Variants in TMEM266 observed in about 807,000 individuals in gnomAD.
TMEM266 encodes transmembrane protein 266.
A neutral mutation model predicts 50.5 loss-of-function variants in TMEM266; 33 were observed. That is an observed-to-expected ratio of 0.65 (90% CI 0.50 to 0.87). The LOEUF is 0.87. TMEM266 is among the 40% of genes least tolerant of loss of function. TMEM266 has a pLI of 0.00. For missense variants in TMEM266, 655 were observed against 695.1 expected, an observed-to-expected ratio of 0.94 and a Z score of 0.65; for synonymous variants, 310 against 292.3, an observed-to-expected ratio of 1.06 and a Z score of -0.62.
At chr15:76,141,568 T>A (rs1441035451) in intron 3 of TMEM266, among the ~76,000 whole-genome samples, 1 of 152,182 alleles carries the variant, frequency 6.6e-6, no homozygotes, top group South Asian at 2.1e-4. Flanking sequence ...AAGCATTTTT[T>A]AAAAATGTGG....
chr15:76,201,236 C>A (rs919049534), intron 9 of TMEM266, among the ~76,000 whole-genome samples: 1 of 152,180 alleles, frequency 6.6e-6, no homozygotes, highest in Non-Finnish European at 1.5e-5. Flanking sequence ...CATCCTGTGG[C>A]CCCTCACTGC....
Position 76,175,691 on chromosome 15 carries a change from T to A in TMEM266, c.768+17T>A. On this transcript the variant is annotated intron_variant, in intron 8 of 10. Coordinates refer to ENST00000388942, the MANE Select transcript of TMEM266 (RefSeq NM_152335.3). ...GAGCAAGGGGTAATGCACTGCCACT[T>A]TCGGCTCTGTCCGTGGTCTTGCTGG... The A allele has an allele frequency of 6.2e-7, 1 of 1,603,118 alleles. No individual in the cohort carries two copies. The highest frequency in any genetic ancestry group is 8.5e-7 in the Non-Finnish European group (1 of 1,170,376).
intron 1 of TMEM266, among the ~76,000 whole-genome samples, chr15:76,101,795 C>A (rs2037004279): frequency 6.6e-6 from 1 of 152,236 alleles, no homozygotes; most frequent in Admixed American, 6.5e-5. Flanking sequence ...AGGGAGAGCA[C>A]CCTGCAGGCA....
intron 3 of TMEM266, among the ~76,000 whole-genome samples, chr15:76,140,158 G>A (rs1190501970): frequency 6.6e-6 from 1 of 152,234 alleles, no homozygotes; most frequent in Non-Finnish European, 1.5e-5. Flanking sequence ...AGCTGTTCCC[G>A]TTGGGTAAAT....
At position 76,161,655 on chromosome 15, in the gene TMEM266, T is replaced by G. The variant is rs1225969207; in HGVS notation, c.456+1487T>G. ...GGTGAGCCTGGGCCTGAGGCTCAGATGGAGGGGGCAGATCGCAGCACTGCC... is the reference window on the plus strand; with the variant it reads ...GGTGAGCCTGGGCCTGAGGCTCAGAGGGAGGGGGCAGATCGCAGCACTGCC... On this transcript the variant is annotated intron_variant, in intron 5 of 10. Transcript: ENST00000388942. The surrounding 1 kb of genome is among the most constrained non-coding windows in gnomAD (Gnocchi z 4.1). 1.3e-5 allele frequency among the ~76,000 whole-genome samples: 2 copies of G among 152,164 alleles called. No individual in the cohort carries two copies. The highest frequency in any genetic ancestry group is 2.9e-5 in the Non-Finnish European group (2 of 68,006).
intron 1 of TMEM266, among the ~76,000 whole-genome samples, chr15:76,068,178 A>T (rs565621617): frequency 2.6e-5 from 4 of 152,364 alleles, no homozygotes; most frequent in African/African-American, 9.6e-5. Context: ...TAAAAGTGAC[A>T]GTTAAAATAC....
chr15:76,096,721 C>A (rs562591775), intron 1 of TMEM266, among the ~76,000 whole-genome samples: 23 of 151,902 alleles, frequency 1.5e-4, no homozygotes, highest in Non-Finnish European at 3.1e-4. Context: ...AAGTCTCCCA[C>A]TATTATTGTG....
intron 3 of TMEM266, among the ~76,000 whole-genome samples, chr15:76,151,986 C>G (rs377405058): frequency 6.6e-6 from 1 of 152,164 alleles, no homozygotes. Context: ...GTCTGGTGTG[C>G]AGCCTGGGCA....
intron 1 of TMEM266, among the ~76,000 whole-genome samples, chr15:76,085,029 G>A (rs1277026056): frequency 2.1e-4 from 31 of 150,228 alleles, no homozygotes; most frequent in African/African-American, 7.1e-4. Flanking sequence ...GCGCGATCTC[G>A]GCTCACTACA....
chr15:76,200,640 G>T (rs2038731406), intron 9 of TMEM266, among the ~76,000 whole-genome samples: 1 of 152,204 alleles, frequency 6.6e-6, no homozygotes. Context: ...AGATTGACCA[G>T]ATCCCCCAAC....
At chr15:76,076,526 G>T (rs1429351981) in intron 1 of TMEM266, among the ~76,000 whole-genome samples, 1 of 151,988 alleles carries the variant, frequency 6.6e-6, no homozygotes, top group Non-Finnish European at 1.5e-5. Context: ...TATGCTATAT[G>T]ACATACATCG....
At chr15:76,080,709 G>A (rs979458047) in intron 1 of TMEM266, among the ~76,000 whole-genome samples, 1 of 151,904 alleles carries the variant, frequency 6.6e-6, no homozygotes, top group African/African-American at 2.4e-5. Flanking sequence ...CTGGCCCAGG[G>A]CCCTCACAGC....
At chr15:76,175,776 G>A (rs1596153714) in intron 8 of TMEM266, 102 bp downstream of exon 8, 1 of 908,044 alleles carries the variant, frequency 1.1e-6, no homozygotes. Flanking sequence ...CAGAGGTCAG[G>A]GAGTTCCTCC....
chr15:76,165,452 A>T (rs550343390), intron 5 of TMEM266, among the ~76,000 whole-genome samples: 1 of 152,376 alleles, frequency 6.6e-6, no homozygotes, highest in Admixed American at 6.5e-5. Flanking sequence ...TACACTGCTT[A>T]TCAGAGCAGC....
intron 8 of TMEM266, among the ~76,000 whole-genome samples, chr15:76,182,050 G>A (rs1396990751): frequency 6.6e-6 from 1 of 152,166 alleles, no homozygotes; most frequent in African/African-American, 2.4e-5. Flanking sequence ...GGTGACTCAA[G>A]GTCCAGCCTC....
chr15:76,080,204 T>C (rs377120527), intron 1 of TMEM266, among the ~76,000 whole-genome samples: 3 of 147,114 alleles, frequency 2.0e-5, no homozygotes, highest in African/African-American at 7.6e-5. Context: ...CCGTCTCTAC[T>C]AAAAATACAA....
At chr15:76,082,587 A>T (rs1445592743) in intron 1 of TMEM266, among the ~76,000 whole-genome samples, 1 of 152,136 alleles carries the variant, frequency 6.6e-6, no homozygotes, top group East Asian at 1.9e-4. Flanking sequence ...CTCTGATAGG[A>T]TGCCTTTACT....
At chr15:76,158,639 A>ATTT (rs1239154234) in intron 4 of TMEM266, among the ~76,000 whole-genome samples, 2 of 152,240 alleles carry the variant, frequency 1.3e-5, no homozygotes, top group Non-Finnish European at 2.9e-5. Context: ...ACAATCAGAG[A>ATTT]TTTATTGCTC....
In TMEM266 at chr15:76,075,893, G is replaced by T. The variant is rs1407551829; in HGVS notation, c.-97+15877G>T. The stretch of plus-strand genomic sequence containing the variant: ...TTTTTTTGAGACACGGGCTTTTTTT[G>T]TGTCCCGGGCTGGAGTGCAGTGGCA... On this transcript the variant is annotated intron_variant, in intron 1 of 10. Coordinates refer to ENST00000388942, the MANE Select transcript of TMEM266 (RefSeq NM_152335.3). 1.1e-3 allele frequency among the ~76,000 whole-genome samples: 111 copies of T among 101,286 alleles called. 1 individual carries two copies. The highest frequency in any genetic ancestry group is 3.3e-3 in the East Asian group (10 of 3,064). The allele number at this position is 101,286 out of a possible 152,430, so 66.4% of individuals were successfully genotyped here.
Sources: allele counts gnomAD v4.1 joint callset (sites outside exome capture counted in the v4.1 genomes callset), GRCh38; gene constraint gnomAD v4.1.1; non-coding constraint Gnocchi (gnomAD v3.1); transcripts MANE v1.5; gene names NCBI Gene and HGNC (gene_info 2026-07-23, HGNC 2026-07-21).